Variants in AK5 observed in about 807,000 individuals in gnomAD.
The protein encoded by AK5 is adenylate kinase 5.
AK5 carries 27 observed loss-of-function variants against 69.5 expected under a neutral mutation model. That is an observed-to-expected ratio of 0.39 (90% CI 0.29 to 0.54). The LOEUF (loss-of-function observed/expected upper bound fraction) is 0.54, where lower values mean the gene tolerates loss of function less well. AK5 is among the 20% of genes least tolerant of loss of function. AK5 has a pLI of 0.71. For synonymous variants in AK5, 260 were observed against 244.4 expected, an observed-to-expected ratio of 1.06 and a Z score of -0.60; for missense variants, 531 against 700.4, an observed-to-expected ratio of 0.76 and a Z score of 2.73.
At chr1:77,546,648 T>G (rs1245188640) in intron 13 of AK5, among the ~76,000 whole-genome samples, 1 of 152,154 alleles carries the variant, frequency 6.6e-6, no homozygotes, top group African/African-American at 2.4e-5. Context: ...AGGCAGAGGC[T>G]GCAGTGAGCT....
intron 6 of AK5, among the ~76,000 whole-genome samples, chr1:77,359,775 A>G (rs114666974): frequency 0.024 from 3,658 of 152,280 alleles, 72 homozygotes; most frequent in Non-Finnish European, 0.035. Context: ...TTTACTTCAC[A>G]TTATTTATTT....
At chr1:77,345,894 C>T (rs1458263356) in intron 6 of AK5, among the ~76,000 whole-genome samples, 1 of 152,096 alleles carries the variant, frequency 6.6e-6, no homozygotes, top group African/African-American at 2.4e-5. Context: ...TTTGAGTCCC[C>T]CCAAACAGAA....
chr1:77,368,921 G>T (rs1557536563), intron 6 of AK5, among the ~76,000 whole-genome samples: 1 of 152,100 alleles, frequency 6.6e-6, no homozygotes, highest in Non-Finnish European at 1.5e-5. Context: ...AATATTTGCA[G>T]TTTATGTCAA....
At chr1:77,381,427 CTTAT>C (rs1553142502) in intron 6 of AK5, among the ~76,000 whole-genome samples, 1 of 152,138 alleles carries the variant, frequency 6.6e-6, no homozygotes, top group Non-Finnish European at 1.5e-5. Context: ...ATTCCAGTCA[CTTAT>C]TTATTTCTTC....
rs188885889 is a variant in AK5 at position 77,412,536 on chromosome 1, A to G, written c.982+1465A>G. 2.3e-3 allele frequency among the ~76,000 whole-genome samples: 349 copies of G among 152,322 alleles called. 1 individual carries two copies. The highest frequency in any genetic ancestry group is 3.6e-3 in the Admixed American group (55 of 15,302). On this transcript the variant is annotated intron_variant, in intron 7 of 13. Coordinates refer to ENST00000354567, the MANE Select transcript of AK5 (RefSeq NM_174858.3). ...CAGCCCTAGGTGAATAAAGTGCAGT[A>G]AACTAGAAGTAAATGGTGCCTCCCC...
chr1:77,475,189 ATATATATGTG>A (rs200908055), intron 8 of AK5, among the ~76,000 whole-genome samples: 3,387 of 12,734 alleles, frequency 0.27, 70 homozygotes, highest in Admixed American at 0.32. Context: ...ATATATATAT[ATATATATGTG>A]TGTGTGTGTG....
intron 10 of AK5, among the ~76,000 whole-genome samples, chr1:77,514,685 T>G (rs1657540545): frequency 6.6e-6 from 1 of 152,254 alleles, no homozygotes; most frequent in South Asian, 2.1e-4. Flanking sequence ...CAGCGGCTGC[T>G]GTTCAACACA....
At chr1:77,454,511 C>T (rs568248282) in intron 8 of AK5, among the ~76,000 whole-genome samples, 3 of 152,318 alleles carry the variant, frequency 2.0e-5, no homozygotes, top group South Asian at 2.1e-4. Context: ...GCTTTATTTA[C>T]TCTGAAAATG....
intron 5 of AK5, among the ~76,000 whole-genome samples, chr1:77,309,481 C>T (rs1352191332): frequency 6.6e-6 from 1 of 152,050 alleles, no homozygotes; most frequent in Admixed American, 6.5e-5. Flanking sequence ...CTATAACTTG[C>T]TTTTATCACT....
At chr1:77,463,637 C>T (rs904098391) in intron 8 of AK5, among the ~76,000 whole-genome samples, 1 of 151,470 alleles carries the variant, frequency 6.6e-6, no homozygotes, top group African/African-American at 2.4e-5. Context: ...AGAAAGAATG[C>T]ATCTGAACCC....
At chr1:77,341,345 A>T (rs1661642092) in intron 6 of AK5, among the ~76,000 whole-genome samples, 2 of 152,222 alleles carry the variant, frequency 1.3e-5, no homozygotes, top group African/African-American at 4.8e-5. Context: ...TTTATGCAAG[A>T]GGACACTAAA....
At position 77,303,973 on chromosome 1, in the gene AK5, A is replaced by G. The variant is rs890271073; in HGVS notation, c.699+6026A>G. On this transcript the variant is annotated intron_variant, in intron 5 of 13. Transcript: ENST00000354567. Reference sequence around the variant, plus strand: ...GCACATCATGAAGAATGGGATATCCATCCCCTCAAGCATTTATCCATTGAG... The same window carrying G: ...GCACATCATGAAGAATGGGATATCCGTCCCCTCAAGCATTTATCCATTGAG... Among the ~76,000 whole-genome samples, 3 of 152,238 alleles carry G rather than the reference A, an allele frequency of 2.0e-5. No homozygotes were observed. In the East Asian group the frequency reaches 5.8e-4, roughly 29 times the overall value.
At chr1:77,342,259 C>T (rs76499148) in intron 6 of AK5, among the ~76,000 whole-genome samples, 98 of 152,236 alleles carry the variant, frequency 6.4e-4, no homozygotes, top group African/African-American at 2.3e-3. Flanking sequence ...ACAAACCAAA[C>T]CCCAACTGTA....
intron 1 of AK5, chr1:77,282,684 G>C (rs1658127862): frequency 8.8e-7 from 1 of 1,133,276 alleles, no homozygotes; most frequent in Non-Finnish European, 1.1e-6. Flanking sequence ...GCAGACCGCG[G>C]CCGGGCCGCA....
intron 8 of AK5, among the ~76,000 whole-genome samples, chr1:77,459,845 T>C (rs933878482): frequency 6.6e-6 from 1 of 152,148 alleles, no homozygotes; most frequent in Non-Finnish European, 1.5e-5. Flanking sequence ...TAGAGTTTCT[T>C]GAACTAGAAA....
At chr1:77,515,547 G>C (rs191429316) in intron 10 of AK5, among the ~76,000 whole-genome samples, 1 of 152,318 alleles carries the variant, frequency 6.6e-6, no homozygotes, top group African/African-American at 2.4e-5. Context: ...GCAAAGTGCT[G>C]TGTGATGTGC....
intron 5 of AK5, among the ~76,000 whole-genome samples, chr1:77,301,912 A>T (rs946602929): frequency 4.6e-5 from 7 of 151,796 alleles, no homozygotes; most frequent in Admixed American, 2.0e-4. Flanking sequence ...TCTGCATGAC[A>T]CATTGAAGTA....
chr1:77,378,159 G>A (rs554156426), intron 6 of AK5, among the ~76,000 whole-genome samples: 5 of 152,194 alleles, frequency 3.3e-5, no homozygotes, highest in East Asian at 1.9e-4. Context: ...GAGACACAGC[G>A]CTTTAAAAAT....
chr1:77,467,956 C>T lies in AK5; in HGVS notation c.1060-15361C>T, dbSNP rs182067211. On this transcript the variant is annotated intron_variant, in intron 8 of 13. Transcript: ENST00000354567. The stretch of plus-strand genomic sequence containing the variant: ...TGTAAGCACAGGAAAGGAATGGCTG[C>T]TCTATTAGGAGTCACTGAAGGCTGA... 5.1e-3 allele frequency among the ~76,000 whole-genome samples: 773 copies of T among 152,294 alleles called. 2 individuals are homozygous for T. Among genetic ancestry groups the T allele is most frequent in the Non-Finnish European group, 7.9e-3 (539 of 68,020 alleles).
Sources: gnomAD v4.1 joint callset for allele counts (sites outside exome capture counted in the v4.1 genomes callset) on GRCh38, gnomAD v4.1.1 for gene constraint, MANE v1.5 for transcripts, NCBI Gene and HGNC (gene_info 2026-07-23, HGNC 2026-07-21) for gene names.